The following SLCO5A1 variants were observed in gnomAD, a reference collection of about 807,000 sequenced individuals.
The protein encoded by SLCO5A1 is solute carrier organic anion transporter family member 5A1, also known as organic anion transporter polypeptide-related protein 4.
A neutral mutation model predicts 65.1 loss-of-function variants in SLCO5A1; 39 were observed. The ratio of observed to expected loss-of-function variants is 0.60; its 90% CI spans 0.46 to 0.78. The LOEUF (loss-of-function observed/expected upper bound fraction) is 0.78, where lower values mean the gene tolerates loss of function less well. SLCO5A1 is among the 30% of genes least tolerant of loss of function. The pLI, the probability that SLCO5A1 is intolerant of heterozygous loss-of-function variation, is 0.00. For missense variants in SLCO5A1, 1,029 were observed against 1,069.4 expected (o/e 0.96, Z 0.53); for synonymous variants, 438 against 415.7 (o/e 1.05, Z -0.65).
intron 5 of SLCO5A1, among the ~76,000 whole-genome samples, chr8:69,718,817 G>A (rs371565670): frequency 2.0e-5 from 3 of 152,142 alleles, no homozygotes; most frequent in African/African-American, 7.2e-5. Flanking sequence ...GTGGGAAACA[G>A]ACAAACCAAT....
intron 2 of SLCO5A1, among the ~76,000 whole-genome samples, chr8:69,827,801 G>T (rs1348244964): frequency 6.6e-6 from 1 of 152,196 alleles, no homozygotes; most frequent in Non-Finnish European, 1.5e-5. Context: ...GGATATAATA[G>T]TCTCTAATTT....
chr8:69,722,743 G>C (rs1420235657), intron 5 of SLCO5A1, among the ~76,000 whole-genome samples: 1 of 151,378 alleles, frequency 6.6e-6, no homozygotes, highest in East Asian at 1.9e-4. Flanking sequence ...AGATCTTCAA[G>C]ACAAAAATGA....
In SLCO5A1 at chr8:69,755,429, A is replaced by T; in HGVS notation, c.1253T>A (p.Val418Asp). ...ATTCAAGAGGTATACTTTACCTCTG[A>T]CATCCTTTCCAAATCCCATCGAAGA... ...KVSSMGFGKD[V>D]RDLPRAAVRI... The change falls in exon 4 of 10, where the codon GTC becomes GAC. Residue 418 changes from valine to aspartate, a missense_variant. Val to Asp is a radical substitution (Grantham distance 152, BLOSUM62 -3). This residue lies in a region of SLCO5A1 where 647 missense variants were observed against 647.5 expected (regional missense o/e 1.00). Coordinates refer to ENST00000260126, the MANE Select transcript of SLCO5A1 (RefSeq NM_030958.3). 6.2e-7 allele frequency: 1 copy of T among 1,612,994 alleles called. No individual in the cohort carries two copies. The highest frequency in any genetic ancestry group is 2.2e-5 in the East Asian group (1 of 44,860).
intron 2 of SLCO5A1, among the ~76,000 whole-genome samples, chr8:69,825,103 A>C (rs1010319178): frequency 1.3e-5 from 2 of 152,230 alleles, no homozygotes; most frequent in African/African-American, 4.8e-5. Context: ...ACTCTCAAAA[A>C]ATTAGGTATT....
intron 2 of SLCO5A1, among the ~76,000 whole-genome samples, chr8:69,804,340 C>T (rs978835583): frequency 5.9e-5 from 9 of 152,040 alleles, no homozygotes; most frequent in Admixed American, 5.9e-4. Flanking sequence ...GAAGGAGTCT[C>T]ACTCACTCTG....
chr8:69,789,347 A>G (rs147069606), intron 2 of SLCO5A1, among the ~76,000 whole-genome samples: 111 of 152,376 alleles, frequency 7.3e-4, no homozygotes, highest in Non-Finnish European at 1.0e-3. Flanking sequence ...ATTAAAACCT[A>G]GGAGAATAAA....
At position 69,720,108 on chromosome 8, in the gene SLCO5A1, C is replaced by T. The variant is rs146486337; in HGVS notation, c.1424-14879G>A. Among the ~76,000 whole-genome samples the T allele has an allele frequency of 4.3e-3, 659 of 152,326 alleles. 3 individuals are homozygous for T. Among genetic ancestry groups the T allele is most frequent in the Non-Finnish European group, 7.7e-3 (523 of 68,032 alleles). On this transcript the variant is annotated intron_variant, in intron 5 of 9. Transcript: ENST00000260126. ...ATCATCTAATCTTCTCCCCTTATTG[C>T]TCAGACCTTATTTATTCTTGGTTTT...
intron 5 of SLCO5A1, among the ~76,000 whole-genome samples, chr8:69,708,033 G>A (rs1815054375): frequency 1.3e-5 from 2 of 152,096 alleles, no homozygotes; most frequent in Non-Finnish European, 2.9e-5. Context: ...CCAACAAGAC[G>A]GTGCAGAGTA....
chr8:69,741,640 C>T (rs1263178940), intron 4 of SLCO5A1, among the ~76,000 whole-genome samples: 1 of 152,188 alleles, frequency 6.6e-6, no homozygotes, highest in Non-Finnish European at 1.5e-5. Flanking sequence ...TGATAAAAGC[C>T]TATTAGTGAT....
chr8:69,723,317 T>C (rs890215021), intron 5 of SLCO5A1, among the ~76,000 whole-genome samples: 2 of 152,292 alleles, frequency 1.3e-5, no homozygotes, highest in East Asian at 1.9e-4. Context: ...AGTGGTGCGA[T>C]CTTGGCTTAC....
intron 5 of SLCO5A1, among the ~76,000 whole-genome samples, chr8:69,710,607 TA>T (rs1402719243): frequency 1.3e-5 from 2 of 152,182 alleles, no homozygotes; most frequent in Non-Finnish European, 2.9e-5. Context: ...GTTTTATTCA[TA>T]AAATTTCAAT....
At chr8:69,684,490 G>T (rs979618198) in intron 6 of SLCO5A1, among the ~76,000 whole-genome samples, 4 of 152,122 alleles carry the variant, frequency 2.6e-5, no homozygotes, top group Non-Finnish European at 1.5e-5. Flanking sequence ...TAATACATTT[G>T]CATAAGACAC....
At chr8:69,794,230 ACCCT>A in intron 2 of SLCO5A1, 1 of 459,378 alleles carries the variant, frequency 2.2e-6, no homozygotes, top group Non-Finnish European at 4.3e-6. Flanking sequence ...GCCCTGTGGT[ACCCT>A]GCTTGTCAAA....
Position 69,763,931 on chromosome 8 carries a change from C to G in SLCO5A1, c.908-2056G>C, listed in dbSNP as rs571520370. Among the ~76,000 whole-genome samples, 5 of 152,080 alleles carry G rather than the reference C, an allele frequency of 3.3e-5. No homozygotes were observed. The East Asian group carries it at 9.7e-4, about 29-fold the overall frequency. On this transcript the variant is annotated intron_variant, in intron 2 of 9. Transcript: ENST00000260126. ...CCAGGCTGGAGTACAGTGGTGTGAT[C>G]TTGGCTCACTGCAACCTCTGCTGCC...
At chr8:69,739,552 A>T (rs1816709389) in intron 4 of SLCO5A1, among the ~76,000 whole-genome samples, 1 of 152,174 alleles carries the variant, frequency 6.6e-6, no homozygotes, top group Admixed American at 6.5e-5. Context: ...TCATTTCATT[A>T]AAATTAGCCT....
intron 2 of SLCO5A1, among the ~76,000 whole-genome samples, chr8:69,819,779 T>G (rs1265279132): frequency 1.3e-5 from 2 of 152,120 alleles, no homozygotes; most frequent in Non-Finnish European, 2.9e-5. Flanking sequence ...CTGGCCAACA[T>G]GGAGAAACCC....
At chr8:69,680,593 A>G (rs1283540751) in intron 7 of SLCO5A1, among the ~76,000 whole-genome samples, 4 of 152,224 alleles carry the variant, frequency 2.6e-5, no homozygotes, top group African/African-American at 9.6e-5. Flanking sequence ...TGCGATGAAC[A>G]TACAAGTGCA....
intron 5 of SLCO5A1, among the ~76,000 whole-genome samples, chr8:69,736,276 A>G (rs1586741437): frequency 6.6e-6 from 1 of 152,160 alleles, no homozygotes; most frequent in South Asian, 2.1e-4. Flanking sequence ...CTCCAACTGA[A>G]CCCTTTATTC....
chr8:69,758,974 T>C (rs1024096365), intron 3 of SLCO5A1, among the ~76,000 whole-genome samples: 2 of 152,214 alleles, frequency 1.3e-5, no homozygotes, highest in African/African-American at 4.8e-5. Context: ...GGAAAATTAT[T>C]GAACTCCCTG....
Sources: gnomAD v4.1 joint callset for allele counts (sites outside exome capture counted in the v4.1 genomes callset) on GRCh38, gnomAD v4.1.1 for gene constraint, gnomAD v4.1.1 regional missense constraint, MANE v1.5 for transcripts, NCBI Gene and HGNC (gene_info 2026-07-23, HGNC 2026-07-21) for gene names.